The following FLT1 variants were observed in gnomAD, a reference collection of about 807,000 sequenced individuals.
FLT1 encodes fms related receptor tyrosine kinase 1, also known as vascular endothelial growth factor receptor 1.
FLT1 carries 49 observed loss-of-function variants against 156.3 expected under a neutral mutation model. That is an observed-to-expected ratio of 0.31 (90% confidence interval 0.25 to 0.40). The LOEUF is 0.40. FLT1 is among the 10% of genes least tolerant of loss of function. The pLI is 1.00. For synonymous variants in FLT1, 594 were observed against 583.8 expected, an observed-to-expected ratio of 1.02 and a Z score of -0.25; for missense variants, 1,322 against 1,637.2, an observed-to-expected ratio of 0.81 and a Z score of 3.32.
rs880704 is a variant in FLT1 at position 28,317,744 on chromosome 13, C to T, written c.3287-147G>A. On this transcript the variant is annotated intron_variant, in intron 24 of 29. Coordinates refer to ENST00000282397, the MANE Select transcript of FLT1 (RefSeq NM_002019.4). ...GGGATTACAACAGATCTCAACATAC[C>T]GTACAACACACAGAGAAGCTCAGCA... is the stretch of plus-strand genomic sequence containing the variant. 3.1e-3 allele frequency: 2,164 copies of T among 687,896 alleles called. 14 individuals are homozygous for T. Among genetic ancestry groups the T allele is most frequent in the South Asian group, 6.5e-3 (421 of 64,316 alleles). The allele number at this position is 687,896 out of a possible 1,614,324, so 42.6% of individuals were successfully genotyped here.
intron 8 of FLT1, among the ~76,000 whole-genome samples, chr13:28,428,896 C>G (rs1877510455): frequency 6.6e-6 from 1 of 152,298 alleles, no homozygotes; most frequent in Admixed American, 6.5e-5. Flanking sequence ...GGATGCTACA[C>G]TTTGTGATTA....
intron 27 of FLT1, among the ~76,000 whole-genome samples, chr13:28,310,794 T>C (rs573295902): frequency 5.9e-5 from 9 of 152,120 alleles, no homozygotes; most frequent in African/African-American, 1.9e-4. Context: ...TTCAATGTAA[T>C]GGGGAAAAGA....
intron 14 of FLT1, 105 bp from the exon 15 acceptor site, chr13:28,357,790 A>C: frequency 9.3e-7 from 1 of 1,079,064 alleles, no homozygotes; most frequent in South Asian, 1.3e-5. Flanking sequence ...CAGACAAGGA[A>C]ATCCGAGCTC....
intron 14 of FLT1, among the ~76,000 whole-genome samples, chr13:28,379,390 G>A (rs1364633772): frequency 1.3e-5 from 2 of 152,160 alleles, no homozygotes; most frequent in Admixed American, 6.5e-5. Flanking sequence ...CGTAGTGAGA[G>A]GAAAGAGAAT....
intron 10 of FLT1, among the ~76,000 whole-genome samples, chr13:28,421,460 C>T (rs1012724440): frequency 6.6e-6 from 1 of 152,122 alleles, no homozygotes; most frequent in Non-Finnish European, 1.5e-5. Context: ...TGGGCTGGAT[C>T]GAGGCTGGCA....
At chr13:28,448,177 C>T (rs1019625513) in intron 3 of FLT1, among the ~76,000 whole-genome samples, 2 of 152,178 alleles carry the variant, frequency 1.3e-5, no homozygotes, top group Non-Finnish European at 2.9e-5. Flanking sequence ...AAGTAGTGCA[C>T]CCACTTTGGA....
chr13:28,415,680 G>A (rs1876606605), intron 10 of FLT1, among the ~76,000 whole-genome samples: 1 of 152,100 alleles, frequency 6.6e-6, no homozygotes, highest in African/African-American at 2.4e-5. Context: ...TTGAGCACAG[G>A]CAAGTAAAAT....
intron 28 of FLT1, among the ~76,000 whole-genome samples, chr13:28,307,530 G>A (rs1042293998): frequency 2.0e-5 from 3 of 152,034 alleles, no homozygotes; most frequent in African/African-American, 7.2e-5. Flanking sequence ...AATGTGCCAA[G>A]CAGTCAAACA....
chr13:28,447,020 T>G (rs1437297355), intron 3 of FLT1, among the ~76,000 whole-genome samples: 1 of 151,952 alleles, frequency 6.6e-6, no homozygotes, highest in East Asian at 1.9e-4. Context: ...GACCATTCAG[T>G]GGGGAAAGAA....
chr13:28,386,151 C>G lies in FLT1; in HGVS notation c.1970-1120G>C. ...TAGTGTACTAAAACTGTGAAGGCAG[C>G]TTAGGAGTGATGACAATGCTACAAA... On this transcript the variant is annotated intron_variant, in intron 13 of 29. Coordinates refer to ENST00000282397, the MANE Select transcript of FLT1 (RefSeq NM_002019.4). 3.8e-6 allele frequency: 4 copies of G among 1,053,758 alleles called. No homozygotes were observed. The South Asian group carries it at 1.8e-4, about 48-fold the overall frequency. 65.3% of individuals were successfully genotyped at this position (1,053,758 alleles called of 1,614,324 possible).
intron 29 of FLT1, among the ~76,000 whole-genome samples, chr13:28,306,362 G>GTGGGCACACGCAT (rs1870749287): frequency 6.6e-6 from 1 of 152,136 alleles, no homozygotes; most frequent in African/African-American, 2.4e-5. Flanking sequence ...CCACCGCCGG[G>GTGGGCACACGCAT]AGCGTGTCTC....
Position 28,423,601 on chromosome 13 carries a change from GA to G in FLT1, c.1436+3557del, listed in dbSNP as rs576284333. On this transcript the variant is annotated intron_variant, in intron 10 of 29. Transcript: ENST00000282397. ...AGAAATGTACCCCAATGCTAGCAAT[GA>G]TTACAACCTTGCAAATCTGTGGTGC... Among the ~76,000 whole-genome samples, 15 of 152,286 alleles carry G rather than the reference GA, an allele frequency of 9.8e-5. No individual in the cohort carries two copies. In the East Asian group the frequency reaches 2.9e-3, roughly 29 times the overall value.
At chr13:28,389,702 T>G in intron 13 of FLT1, 94 bp downstream of exon 13, 1 of 1,599,898 alleles carries the variant, frequency 6.3e-7, no homozygotes, top group Non-Finnish European at 8.5e-7. Flanking sequence ...ATGAGTCCTT[T>G]AATGTTTTAC....
At chr13:28,481,965 G>A (rs1195738383) in intron 1 of FLT1, among the ~76,000 whole-genome samples, 2 of 152,076 alleles carry the variant, frequency 1.3e-5, no homozygotes, top group African/African-American at 4.8e-5. Context: ...AAATATAATG[G>A]ATTACTTGAT....
chr13:28,458,977 A>T (rs1339328963), intron 3 of FLT1, among the ~76,000 whole-genome samples: 1 of 152,252 alleles, frequency 6.6e-6, no homozygotes, highest in African/African-American at 2.4e-5. Context: ...AAACCCTAGA[A>T]ATATCTGTTT....
At chr13:28,443,678 GA>G (rs1175371812) in intron 3 of FLT1, among the ~76,000 whole-genome samples, 1 of 152,184 alleles carries the variant, frequency 6.6e-6, no homozygotes, top group Non-Finnish European at 1.5e-5. Flanking sequence ...CCAATCCCAT[GA>G]AAAGGGTTCT....
chr13:28,456,319 A>C (rs572281555), intron 3 of FLT1, among the ~76,000 whole-genome samples: 58 of 151,836 alleles, frequency 3.8e-4, no homozygotes, highest in Admixed American at 7.2e-4. Context: ...GAATATAAAA[A>C]TATTTATATG....
chr13:28,384,646 G>T (rs1874246240), intron 14 of FLT1, among the ~76,000 whole-genome samples: 1 of 152,032 alleles, frequency 6.6e-6, no homozygotes, highest in Admixed American at 6.5e-5. Flanking sequence ...ACTATTTAAA[G>T]ACTTCCAGCT....
At chr13:28,323,842 A>G (rs375898309) in intron 20 of FLT1, among the ~76,000 whole-genome samples, 1 of 152,110 alleles carries the variant, frequency 6.6e-6, no homozygotes, top group African/African-American at 2.4e-5. Context: ...ATAGTTACCA[A>G]TTTCTCAGGT....
Sources: allele counts gnomAD v4.1 joint callset (sites outside exome capture counted in the v4.1 genomes callset), GRCh38; gene constraint gnomAD v4.1.1; transcripts MANE v1.5; gene names NCBI Gene and HGNC (gene_info 2026-07-23, HGNC 2026-07-21).